Variants in DIXDC1 observed in about 807,000 individuals in gnomAD.
DIXDC1 encodes dixin.
A neutral mutation model predicts 103.1 loss-of-function variants in DIXDC1; 64 were observed. The observed-to-expected ratio is 0.62, with a 90% confidence interval of 0.51 to 0.76. DIXDC1 has a LOEUF of 0.76. DIXDC1 is among the 30% of genes least tolerant of loss of function. The pLI, the probability that DIXDC1 is intolerant of heterozygous loss-of-function variation, is 0.00. For synonymous variants in DIXDC1, 266 were observed against 298.5 expected (o/e 0.89, Z 1.12); for missense variants, 759 against 834.2 (o/e 0.91, Z 1.11).
At chr11:111,986,066 C>G (rs1555173792) in intron 8 of DIXDC1, among the ~76,000 whole-genome samples, 1 of 152,178 alleles carries the variant, frequency 6.6e-6, no homozygotes, top group Non-Finnish European at 1.5e-5. Context: ...TTTCTCCATT[C>G]TCACAGCCAC....
intron 5 of DIXDC1, among the ~76,000 whole-genome samples, chr11:111,979,258 C>T (rs1009924263): frequency 6.6e-6 from 1 of 152,184 alleles, no homozygotes; most frequent in Non-Finnish European, 1.5e-5. Flanking sequence ...CTGCTTTTGA[C>T]GTGCCTGGCT....
At chr11:112,012,864 T>C (rs1460355473) in intron 17 of DIXDC1, among the ~76,000 whole-genome samples, 1 of 152,246 alleles carries the variant, frequency 6.6e-6, no homozygotes, top group Non-Finnish European at 1.5e-5. Context: ...TTTTCACTAG[T>C]ATCATCAATG....
chr11:111,937,406 C>T lies in DIXDC1; in HGVS notation c.-94C>T. ...GGGACTCCGGAGGGATCCCAATGAG[C>T]TGAGCCGAGAGCCTTTGTGTGCAGA... On this transcript the variant is annotated 5_prime_UTR_variant, in exon 1 of 20. Transcript: ENST00000440460. 1.3e-6 allele frequency: 2 copies of T among 1,514,556 alleles called. No homozygotes were observed. The highest frequency in any genetic ancestry group is 2.0e-4 in the Middle Eastern group (1 of 5,030). The allele number at this position is 1,514,556 out of a possible 1,614,324, so 93.8% of individuals were successfully genotyped here. A position where few individuals can be genotyped will look rare whatever the true frequency, so the allele number is the denominator to read the frequency against.
At chr11:112,006,767 A>G (rs1319229869) in intron 17 of DIXDC1, among the ~76,000 whole-genome samples, 9 of 152,244 alleles carry the variant, frequency 5.9e-5, no homozygotes, top group Non-Finnish European at 1.0e-4. Flanking sequence ...ATCAGCATCC[A>G]CAAAAAGGAC....
At chr11:112,003,074 A>C (rs1220296007) in intron 17 of DIXDC1, among the ~76,000 whole-genome samples, 2 of 152,208 alleles carry the variant, frequency 1.3e-5, no homozygotes, top group African/African-American at 4.8e-5. Flanking sequence ...GATTGGTGGT[A>C]ACCAGAGGCT....
At chr11:111,955,544 C>T (rs1966895444) in intron 1 of DIXDC1, among the ~76,000 whole-genome samples, 1 of 151,684 alleles carries the variant, frequency 6.6e-6, no homozygotes, top group Non-Finnish European at 1.5e-5. Flanking sequence ...TAATTGAAAT[C>T]AAGATCTTGG....
chr11:111,940,755 T>G (rs1245394229), intron 1 of DIXDC1, among the ~76,000 whole-genome samples: 3 of 152,192 alleles, frequency 2.0e-5, no homozygotes, highest in Non-Finnish European at 4.4e-5. Flanking sequence ...GGTGTACTGA[T>G]ATGAAAAGGA....
chr11:111,989,653 T>G (rs1405918493), intron 10 of DIXDC1, among the ~76,000 whole-genome samples: 1 of 151,802 alleles, frequency 6.6e-6, no homozygotes, highest in South Asian at 2.1e-4. Context: ...GAATGTCCTT[T>G]AAAAAAATTG....
intron 1 of DIXDC1, among the ~76,000 whole-genome samples, chr11:111,950,904 C>T (rs1478535534): frequency 1.3e-5 from 2 of 152,134 alleles, no homozygotes; most frequent in African/African-American, 4.8e-5. Context: ...CTTTTAGTTA[C>T]TTTAAAATGT....
chr11:111,972,691 C>T (rs1566507903), intron 3 of DIXDC1, among the ~76,000 whole-genome samples: 1 of 152,222 alleles, frequency 6.6e-6, no homozygotes, highest in African/African-American at 2.4e-5. Context: ...TTCACTTCCT[C>T]CACCACAGTG....
At chr11:111,992,300 C>T (rs1860735565) in intron 10 of DIXDC1, 115 bp from the exon 11 acceptor site, 1 of 923,870 alleles carries the variant, frequency 1.1e-6, no homozygotes, top group Non-Finnish European at 1.6e-6. Flanking sequence ...CCCCATTTGT[C>T]TTCCAGTCTG....
intron 1 of DIXDC1, among the ~76,000 whole-genome samples, chr11:111,949,440 C>T (rs1439386844): frequency 2.6e-5 from 4 of 152,238 alleles, no homozygotes; most frequent in Admixed American, 6.5e-5. Context: ...TCGCTCCCTA[C>T]ATCCTATCAG....
intron 1 of DIXDC1, among the ~76,000 whole-genome samples, chr11:111,953,164 C>T (rs2137477723): frequency 6.6e-6 from 1 of 152,212 alleles, no homozygotes; most frequent in South Asian, 2.1e-4. Flanking sequence ...AAGGAACATA[C>T]ATGTATCTGT....
chr11:111,952,474 G>T (rs782100948), intron 1 of DIXDC1, among the ~76,000 whole-genome samples: 1 of 152,052 alleles, frequency 6.6e-6, no homozygotes, highest in African/African-American at 2.4e-5. Context: ...TGGGAGGAAG[G>T]TGAGGCCAGA....
chr11:111,982,274 G>T, intron 6 of DIXDC1, 65 bp from the exon 7 acceptor site: 1 of 1,560,434 alleles, frequency 6.4e-7, no homozygotes, highest in South Asian at 1.2e-5. Context: ...GCTACCCTGT[G>T]AACGCTGTCT....
chr11:111,974,576 A>C (rs1443650314), intron 4 of DIXDC1, among the ~76,000 whole-genome samples: 1 of 152,186 alleles, frequency 6.6e-6, no homozygotes, highest in African/African-American at 2.4e-5. Flanking sequence ...CAGTTCATCT[A>C]GAGGAAGCTC....
At chr11:111,961,821 C>T (rs141204470) in intron 1 of DIXDC1, among the ~76,000 whole-genome samples, 2 of 152,336 alleles carry the variant, frequency 1.3e-5, no homozygotes, top group African/African-American at 4.8e-5. Context: ...ATTTGTTGAG[C>T]ACCTGCTACT....
rs1446438643 is a variant in DIXDC1 at position 111,992,529 on chromosome 11, A to G, written c.1218+10A>G. On this transcript the variant is annotated intron_variant, in intron 11 of 19. Coordinates refer to ENST00000440460, the MANE Select transcript of DIXDC1 (RefSeq NM_001037954.4). ...GCTGCACAACCAGAATGTGAGTTAA[A>G]TGAATGAGCCTTGACCTCAGTGAGC... 1.3e-6 allele frequency: 2 copies of G among 1,557,074 alleles called. No individual in the cohort carries two copies. Among genetic ancestry groups the G allele is most frequent in the African/African-American group, 2.7e-5 (2 of 73,372 alleles).
chr11:111,953,247 C>T (rs587630656), intron 1 of DIXDC1, among the ~76,000 whole-genome samples: 34 of 152,102 alleles, frequency 2.2e-4, no homozygotes, highest in African/African-American at 6.7e-4. Context: ...CATGGGAATG[C>T]GGTGGAAAGA....
Sources: gnomAD v4.1 joint callset for allele counts (sites outside exome capture counted in the v4.1 genomes callset) on GRCh38, gnomAD v4.1.1 for gene constraint, MANE v1.5 for transcripts, NCBI Gene and HGNC (gene_info 2026-07-23, HGNC 2026-07-21) for gene names.